SLC26A7: variants seen among roughly 807,000 people sequenced by gnomAD.
The protein encoded by SLC26A7 is anion exchange transporter.
Under a neutral mutation model 82.5 loss-of-function variants are expected in SLC26A7, and 59 were observed. The ratio of observed to expected loss-of-function variants is 0.72; its 90% CI spans 0.58 to 0.89. The LOEUF is 0.89. Ranked by LOEUF, SLC26A7 falls within the 40% of genes least tolerant of loss-of-function variation. The probability of loss-of-function intolerance (pLI) is 0.00; values close to 1 mark genes in which losing one functional copy is unlikely to be tolerated. For synonymous variants in SLC26A7, 271 were observed against 274.3 expected (o/e 0.99, Z 0.12); for missense variants, 820 against 793.0 (o/e 1.03, Z -0.41).
chr8:91,298,534 GCATGTTAAAGTCATC>G (rs1812077156), intron 4 of SLC26A7, among the ~76,000 whole-genome samples: 1 of 152,096 alleles, frequency 6.6e-6, no homozygotes, highest in Admixed American at 6.6e-5. Context: ...CGATCTTCAA[GCATGTTAAAGTCATC>G]ATTGTACCTA....
chr8:91,357,479 A>G (rs1281494673), intron 11 of SLC26A7, among the ~76,000 whole-genome samples: 37 of 152,162 alleles, frequency 2.4e-4, no homozygotes. Context: ...TATACTCTCT[A>G]AATCTGATAT....
intron 2 of SLC26A7, among the ~76,000 whole-genome samples, chr8:91,258,434 T>G (rs1322925124): frequency 2.6e-5 from 4 of 151,996 alleles, no homozygotes; most frequent in Non-Finnish European, 5.9e-5. Context: ...GCCAGAAACC[T>G]GGGAGTGATC....
chr8:91,334,516 T>A lies in SLC26A7; in HGVS notation c.795+69T>A, dbSNP rs1813187422. The A allele has an allele frequency of 3.5e-6, 5 of 1,415,122 alleles. No homozygotes were observed. The Admixed American group carries it at 1.0e-4, about 30-fold the overall frequency. 87.7% of individuals were successfully genotyped at this position (1,415,122 alleles called of 1,614,324 possible). A position where few individuals can be genotyped will look rare whatever the true frequency, so the allele number is the denominator to read the frequency against. ...TCCAGTTCTTGGGGAGATCTGCAGA[T>A]GCTTACTATATTGTCTGTAGTAACC... On this transcript the variant is annotated intron_variant, in intron 6 of 18. Coordinates refer to ENST00000276609, the MANE Select transcript of SLC26A7 (RefSeq NM_052832.4).
chr8:91,366,848 A>C (rs1814209387), intron 14 of SLC26A7, 131 bp downstream of exon 14: 1 of 995,120 alleles, frequency 1.0e-6, no homozygotes, highest in South Asian at 1.9e-5. Flanking sequence ...AAAACCTATG[A>C]TTATTTGATT....
chr8:91,366,913 A>G (rs1012977866), intron 14 of SLC26A7, among the ~76,000 whole-genome samples, 196 bp downstream of exon 14: 3 of 152,182 alleles, frequency 2.0e-5, no homozygotes, highest in African/African-American at 4.8e-5. Flanking sequence ...TTTATTCAGT[A>G]TATATTTAAT....
At chr8:91,356,490 C>A (rs796349249) in intron 11 of SLC26A7, among the ~76,000 whole-genome samples, 15 of 152,214 alleles carry the variant, frequency 9.9e-5, no homozygotes, top group African/African-American at 3.1e-4. Context: ...TGATGATGAG[C>A]ATTTTTTCAT....
intron 2 of SLC26A7, among the ~76,000 whole-genome samples, chr8:91,235,181 C>G (rs1810377529): frequency 6.6e-6 from 1 of 152,156 alleles, no homozygotes; most frequent in African/African-American, 2.4e-5. Flanking sequence ...ACCTCAGCCT[C>G]CTAAAGTGCT....
chr8:91,272,920 G>A (rs1470280872), intron 2 of SLC26A7, among the ~76,000 whole-genome samples: 1 of 152,132 alleles, frequency 6.6e-6, no homozygotes, highest in Admixed American at 6.5e-5. Context: ...AATAAAGCAT[G>A]TTATCTGAAC....
At chr8:91,302,171 A>G (rs1049846544) in intron 4 of SLC26A7, among the ~76,000 whole-genome samples, 5 of 152,128 alleles carry the variant, frequency 3.3e-5, no homozygotes, top group Non-Finnish European at 7.4e-5. Flanking sequence ...AAAAATATAT[A>G]GCCTTGATTA....
Position 91,340,460 on chromosome 8 carries a change from C to G in SLC26A7, c.935C>G (p.Ala312Gly), listed in dbSNP as rs1813373560. The G allele has an allele frequency of 1.2e-6, 2 of 1,613,852 alleles. No individual in the cohort carries two copies. The highest frequency in any genetic ancestry group is 3.3e-5 in the Admixed American group (2 of 59,984). The change falls in exon 8 of 19, where the codon GCT becomes GGT. Residue 312 changes from alanine to glycine, a missense_variant. Coordinates refer to ENST00000276609, the MANE Select transcript of SLC26A7 (RefSeq NM_052832.4). ...MNILSAVITE[A>G]FGVALVGYVA... is the part of the protein sequence containing the mutation. The stretch of plus-strand genomic sequence containing the variant: ...ATCCTCTCTGCGGTGATCACTGAAG[C>G]TTTCGGAGTGGCACTTGTAGGCTAT...
In SLC26A7 at chr8:91,215,855, A is replaced by G. The variant is rs112880258; in HGVS notation, c.-149-3035A>G. 4.2e-3 allele frequency among the ~76,000 whole-genome samples: 636 copies of G among 152,280 alleles called. 2 individuals are homozygous for G. Among genetic ancestry groups the G allele is most frequent in the African/African-American group, 0.014 (599 of 41,578 alleles). On this transcript the variant is annotated intron_variant, in intron 1 of 5. Coordinates refer to the SLC26A7 transcript ENST00000522862. ...AGGGAGTGTCTTATTCCTTTGTAACATGCTCATTTCAAATGGACATATGTC... is the reference window on the plus strand; with the variant it reads ...AGGGAGTGTCTTATTCCTTTGTAACGTGCTCATTTCAAATGGACATATGTC...
intron 15 of SLC26A7, among the ~76,000 whole-genome samples, chr8:91,378,576 T>G (rs1307964596): frequency 6.6e-6 from 1 of 151,566 alleles, no homozygotes; most frequent in Non-Finnish European, 1.5e-5. Flanking sequence ...GGGAAACTAG[T>G]CTGAAGAACT....
chr8:91,220,511 C>T (rs1240059417), intron 2 of SLC26A7, among the ~76,000 whole-genome samples: 1 of 151,960 alleles, frequency 6.6e-6, no homozygotes, highest in Non-Finnish European at 1.5e-5. Flanking sequence ...CATCCCCTAT[C>T]CCCCAGCAGG....
At chr8:91,309,907 G>A (rs750363982) in intron 4 of SLC26A7, among the ~76,000 whole-genome samples, 16 of 152,184 alleles carry the variant, frequency 1.1e-4, no homozygotes, top group African/African-American at 2.9e-4. Context: ...ATGCTAACTC[G>A]AGGTGTTTTT....
chr8:91,320,067 T>A (rs996741244), intron 5 of SLC26A7, among the ~76,000 whole-genome samples: 1 of 151,932 alleles, frequency 6.6e-6, no homozygotes, highest in Non-Finnish European at 1.5e-5. Flanking sequence ...TTTTTGGAGG[T>A]GTTTCTTTTT....
At chr8:91,222,965 G>A (rs1222737631) in intron 2 of SLC26A7, among the ~76,000 whole-genome samples, 1 of 152,036 alleles carries the variant, frequency 6.6e-6, no homozygotes, top group East Asian at 1.9e-4. Context: ...TCTGGTCCTG[G>A]ACTTTTTTTT....
chr8:91,310,570 C>A (rs1812452659), intron 4 of SLC26A7, among the ~76,000 whole-genome samples: 1 of 152,152 alleles, frequency 6.6e-6, no homozygotes, highest in South Asian at 2.1e-4. Context: ...GTGAGGACAG[C>A]TTCCCAATAA....
intron 15 of SLC26A7, among the ~76,000 whole-genome samples, chr8:91,370,344 C>T (rs1019227816): frequency 9.2e-5 from 14 of 151,856 alleles, no homozygotes; most frequent in Non-Finnish European, 1.8e-4. Context: ...TCCTCTCCCA[C>T]CTCTTTTCCT....
intron 2 of SLC26A7, among the ~76,000 whole-genome samples, chr8:91,253,900 A>G (rs1810729499): frequency 6.6e-6 from 1 of 152,178 alleles, no homozygotes; most frequent in African/African-American, 2.4e-5. Flanking sequence ...AAAACATTCT[A>G]GAAGCCAACA....
Sources: allele counts gnomAD v4.1 joint callset (sites outside exome capture counted in the v4.1 genomes callset), GRCh38; gene constraint gnomAD v4.1.1; transcripts MANE v1.5; gene names NCBI Gene and HGNC (gene_info 2026-07-23, HGNC 2026-07-21).